Variants in FBXO6 observed in about 807,000 individuals in gnomAD.
The protein encoded by FBXO6 is F-box only protein 6.
A neutral mutation model predicts 25.0 loss-of-function variants in FBXO6; 13 were observed. The ratio of observed to expected loss-of-function variants is 0.52; its 90% confidence interval spans 0.34 to 0.83. The LOEUF (loss-of-function observed/expected upper bound fraction) is 0.83, where lower values mean the gene tolerates loss of function less well. FBXO6 is among the 40% of genes least tolerant of loss of function. The pLI, the probability that FBXO6 is intolerant of heterozygous loss-of-function variation, is 0.02. For synonymous variants in FBXO6, 138 were observed against 155.3 expected (o/e 0.89, Z 0.83); for missense variants, 370 against 380.2 (o/e 0.97, Z 0.22).
In FBXO6 at chr1:11,673,064, A is replaced by G. The variant is rs1341901656; in HGVS notation, c.510-213A>G. 6.6e-6 allele frequency among the ~76,000 whole-genome samples: 1 copy of G among 152,220 alleles called. No homozygotes were observed. Among genetic ancestry groups the G allele is most frequent in the Non-Finnish European group, 1.5e-5 (1 of 68,040 alleles). Reference sequence around the variant, plus strand: ...GATGCCCAAAAGGGTCCCTCTTCTCAGATGGGGTAACAGAGGCCAGCATGG... The same window carrying G: ...GATGCCCAAAAGGGTCCCTCTTCTCGGATGGGGTAACAGAGGCCAGCATGG... On this transcript the variant is annotated intron_variant, in intron 4 of 5. Coordinates refer to ENST00000376753, the MANE Select transcript of FBXO6 (RefSeq NM_018438.6). The surrounding 1 kb of genome is among the most constrained non-coding windows in gnomAD (Gnocchi z 4.3).
chr1:11,669,674 G>GTA (rs1479931589), intron 2 of FBXO6, among the ~76,000 whole-genome samples: 17 of 94,336 alleles, frequency 1.8e-4, no homozygotes, highest in African/African-American at 1.0e-3. Flanking sequence ...ATGTATATAT[G>GTA]TACACATATA....
At chr1:11,669,216 G>T (rs1292060025) in intron 2 of FBXO6, among the ~76,000 whole-genome samples, 1 of 151,960 alleles carries the variant, frequency 6.6e-6, no homozygotes, top group Non-Finnish European at 1.5e-5. Context: ...CTGTAATCCC[G>T]GCACTTTGGG....
At chr1:11,672,891 C>A (rs1640662893) in intron 4 of FBXO6, among the ~76,000 whole-genome samples, 1 of 152,184 alleles carries the variant, frequency 6.6e-6, no homozygotes, top group South Asian at 2.1e-4. Context: ...AGAGGGTGAG[C>A]TTTGTGCCAG....
At position 11,673,872 on chromosome 1, in the gene FBXO6, G is replaced by A. The variant is rs1164567434; in HGVS notation, c.*21G>A. On this transcript the variant is annotated 3_prime_UTR_variant, in exon 6 of 6. Coordinates refer to ENST00000376753, the MANE Select transcript of FBXO6 (RefSeq NM_018438.6). The surrounding 1 kb of genome is among the most constrained non-coding windows in gnomAD (Gnocchi z 4.3). ...TCTGACAGCTGTCCATCCTGTGTCT[G>A]GGTCAGCCAGAGGTTCCTCCAGGCA... is the stretch of plus-strand genomic sequence containing the variant. 6.2e-7 allele frequency: 1 copy of A among 1,611,234 alleles called. No homozygotes were observed. The highest frequency in any genetic ancestry group is 1.7e-5 in the Admixed American group (1 of 59,990).
At chr1:11,669,056 A>C in intron 2 of FBXO6, 112 bp downstream of exon 2, 2 of 1,326,456 alleles carry the variant, frequency 1.5e-6, no homozygotes, top group Non-Finnish European at 1.0e-6. Context: ...CTAAACACCC[A>C]CCTCACTTCC....
At chr1:11,669,452 G>A (rs1311021756) in intron 2 of FBXO6, among the ~76,000 whole-genome samples, 1 of 148,332 alleles carries the variant, frequency 6.7e-6, no homozygotes, top group Non-Finnish European at 1.5e-5. Context: ...TGACAAGAGT[G>A]AAACTTTTAG....
chr1:11,671,358 C>G lies in FBXO6; in HGVS notation c.379C>G (p.Pro127Ala). ...PGAHGTDFPDPKVKKYFVTSY... is the reference protein window; with the variant it reads ...PGAHGTDFPDAKVKKYFVTSY... Reference sequence around the variant, plus strand: ...AGCCCACGGGACAGATTTTCCTGACCCCAAAGTCAAGAAGTATTTTGTCAC... The same window carrying G: ...AGCCCACGGGACAGATTTTCCTGACGCCAAAGTCAAGAAGTATTTTGTCAC... Residue 127 changes from proline (P) to alanine (A), a missense_variant, in exon 3 of 6, where the codon CCC becomes GCC. Coordinates refer to ENST00000376753, the MANE Select transcript of FBXO6 (RefSeq NM_018438.6). 1.2e-6 allele frequency: 2 copies of G among 1,614,092 alleles called. No individual in the cohort carries two copies. The highest frequency in any genetic ancestry group is 1.7e-6 in the Non-Finnish European group (2 of 1,179,994).
chr1:11,673,524 C>T lies in FBXO6; in HGVS notation c.646-91C>T. On this transcript the variant is annotated intron_variant, in intron 5 of 5. Transcript: ENST00000376753. This position sits in a 1 kb window ranked among gnomAD's most constrained non-coding sequence, Gnocchi z 4.3. ...GCCCCTGCTGGCCTGGAGCTGTTGC[C>T]TTCCAGCCTGGGCAGCTCTCTTAGA... 1 of 1,572,050 alleles carries T rather than the reference C, an allele frequency of 6.4e-7. No individual in the cohort carries two copies. The highest frequency in any genetic ancestry group is 1.2e-5 in the South Asian group (1 of 85,352).
intron 3 of FBXO6, 87 bp from the exon 4 acceptor site, chr1:11,671,841 G>C: frequency 4.9e-6 from 6 of 1,216,522 alleles, no homozygotes; most frequent in Non-Finnish European, 7.2e-6. Flanking sequence ...CACCTCCCTG[G>C]GCTCACAGGG....
At chr1:11,669,319 TG>T (rs1350017746) in intron 2 of FBXO6, among the ~76,000 whole-genome samples, 1 of 152,084 alleles carries the variant, frequency 6.6e-6, no homozygotes, top group African/African-American at 2.4e-5. Context: ...CACACAAAGT[TG>T]GGCATGCTGG....
chr1:11,669,482 A>T (rs1415625823), intron 2 of FBXO6, among the ~76,000 whole-genome samples: 48 of 148,966 alleles, frequency 3.2e-4, no homozygotes, highest in African/African-American at 4.2e-4. Flanking sequence ...AAAAAAAAAA[A>T]TTTTTTTTTC....
intron 1 of FBXO6, among the ~76,000 whole-genome samples, chr1:11,666,032 TTTCTC>T: frequency 7.1e-6 from 1 of 140,462 alleles, no homozygotes; most frequent in African/African-American, 2.8e-5. Flanking sequence ...GCATTTTTCT[TTTCTC>T]TTTTTTTTTT....
At chr1:11,671,729 C>T (rs540228855) in intron 3 of FBXO6, among the ~76,000 whole-genome samples, 199 bp from the exon 4 acceptor site, 2 of 152,312 alleles carry the variant, frequency 1.3e-5, no homozygotes, top group South Asian at 2.1e-4. Context: ...GCCGCCCAGG[C>T]ACAAGTGGGT....
intron 1 of FBXO6, 116 bp from the exon 2 acceptor site, chr1:11,668,540 G>A: frequency 7.6e-7 from 1 of 1,316,358 alleles, no homozygotes; most frequent in Non-Finnish European, 1.0e-6. Flanking sequence ...GGGACTCCAG[G>A]CATGTGCCAC....
chr1:11,668,791 C>A lies in FBXO6; in HGVS notation c.133C>A (p.Arg45=). Residue 45 remains arginine (R), a synonymous_variant, in exon 2 of 6, where the codon CGG becomes AGG. Transcript: ENST00000376753. The part of the protein sequence containing the change: ...LNCRLVCSLW[R]DLIDLMTLWK... Reference sequence around the variant, plus strand: ...CTGCCGCCTGGTCTGCAGCCTCTGGCGGGACCTCATCGACCTCATGACCCT... The same window carrying A: ...CTGCCGCCTGGTCTGCAGCCTCTGGAGGGACCTCATCGACCTCATGACCCT... 6.2e-7 allele frequency: 1 copy of A among 1,614,102 alleles called. No individual in the cohort carries two copies.
At chr1:11,668,041 G>A (rs1394336141) in intron 1 of FBXO6, among the ~76,000 whole-genome samples, 4 of 146,738 alleles carry the variant, frequency 2.7e-5, no homozygotes, top group Admixed American at 1.4e-4. Context: ...GCAGTGAGCC[G>A]AGATTGCACC....
chr1:11,671,098 T>C (rs1253095348), intron 2 of FBXO6, among the ~76,000 whole-genome samples, 168 bp from the exon 3 acceptor site: 1 of 152,104 alleles, frequency 6.6e-6, no homozygotes, highest in Non-Finnish European at 1.5e-5. Context: ...ACAAGCTGGT[T>C]AACCCTTTGG....
intron 4 of FBXO6, among the ~76,000 whole-genome samples, chr1:11,672,622 G>A (rs1640651334): frequency 6.6e-6 from 1 of 152,172 alleles, no homozygotes; most frequent in African/African-American, 2.4e-5. Context: ...GGCAACAGAG[G>A]ACCTCAGCCC....
rs1351768083 is a variant in FBXO6 at position 11,671,959 on chromosome 1, G to A, written c.445G>A (p.Val149Ile). The A allele has an allele frequency of 6.2e-7, 1 of 1,614,204 alleles. No homozygotes were observed. The change falls in exon 4 of 6, where the codon GTA becomes ATA. Residue 149 changes from valine to isoleucine, a missense_variant. By Grantham distance (29) the Val-to-Ile change is conservative (BLOSUM62 3). Transcript: ENST00000376753. ...CCTCAAGTCCCAGCTGGTGGACCTT[G>A]TAGCCGAGGGCTACTGGGAGGAGCT... ...MCLKSQLVDL[V>I]AEGYWEELLD...
Sources: allele counts gnomAD v4.1 joint callset (sites outside exome capture counted in the v4.1 genomes callset), GRCh38; gene constraint gnomAD v4.1.1; non-coding constraint Gnocchi (gnomAD v3.1); transcripts MANE v1.5; gene names NCBI Gene and HGNC (gene_info 2026-07-23, HGNC 2026-07-21).